FANK1: variants seen among roughly 807,000 people sequenced by gnomAD.
FANK1 encodes fibronectin type 3 and ankyrin repeat domains protein 1.
A neutral mutation model predicts 45.3 loss-of-function variants in FANK1; 44 were observed. The ratio of observed to expected loss-of-function variants is 0.97; its 90% CI spans 0.76 to 1.25. The LOEUF is 1.25. Ranked by LOEUF, FANK1 falls within the 50% of genes most tolerant of loss-of-function variation. The pLI is 0.00. For synonymous variants in FANK1, 149 were observed against 152.5 expected (o/e 0.98, Z 0.17); for missense variants, 391 against 424.4 (o/e 0.92, Z 0.69).
In FANK1 at chr10:125,969,530, GTGTT is replaced by G. The variant is rs1229045762; in HGVS notation, c.14-10627_14-10624del. Among the ~76,000 whole-genome samples the G allele has an allele frequency of 3.3e-5, 5 of 152,144 alleles. No individual in the cohort carries two copies. In the South Asian group the frequency reaches 6.2e-4, roughly 19 times the overall value. ...GCATCTATAAAAACAGTTCTCAAGA[GTGTT>G]TGTACTGATAACAGATAAATACAGA... is the stretch of plus-strand genomic sequence containing the variant. On this transcript the variant is annotated intron_variant, in intron 1 of 10. Coordinates refer to ENST00000368693, the MANE Select transcript of FANK1 (RefSeq NM_145235.5).
chr10:126,008,647 C>T, intron 8 of FANK1, 97 bp downstream of exon 8: 1 of 1,419,220 alleles, frequency 7.0e-7, no homozygotes, highest in East Asian at 2.3e-5. Flanking sequence ...AGCCCTGCAC[C>T]AGCCCTTGGG....
intron 1 of FANK1, among the ~76,000 whole-genome samples, chr10:125,913,527 T>C (rs955362313): frequency 7.9e-5 from 12 of 152,246 alleles, no homozygotes; most frequent in African/African-American, 2.7e-4. Flanking sequence ...TTGCCACAGC[T>C]GTTTCTCTTA....
At position 125,990,305 on chromosome 10, in the gene FANK1, G is replaced by A. The variant is rs561749792; in HGVS notation, c.316+1630G>A. On this transcript the variant is annotated intron_variant, in intron 3 of 10. Coordinates refer to ENST00000368693, the MANE Select transcript of FANK1 (RefSeq NM_145235.5). ...GTGTGTGCCTGTGGCCTGAGCAGGA[G>A]TATCGCTTCAGCCAGGAGTTCAAGG... Among the ~76,000 whole-genome samples the A allele has an allele frequency of 1.3e-5, 2 of 152,258 alleles. 1 individual carries two copies. The highest frequency in any genetic ancestry group is 3.9e-4 in the East Asian group (2 of 5,170).
chr10:125,936,773 A>G lies in FANK1; in HGVS notation c.13+40118A>G, dbSNP rs549382358. Among the ~76,000 whole-genome samples, 4 of 152,254 alleles carry G rather than the reference A, an allele frequency of 2.6e-5. No homozygotes were observed. In the East Asian group the frequency reaches 7.7e-4, roughly 29 times the overall value. ...TAGTTTCTTGTTTTTGGCTATTATGAATAGTACCTCTAGGCTGGGCGTGGT... is the reference window on the plus strand; with the variant it reads ...TAGTTTCTTGTTTTTGGCTATTATGGATAGTACCTCTAGGCTGGGCGTGGT... On this transcript the variant is annotated intron_variant, in intron 1 of 10. Coordinates refer to ENST00000368693, the MANE Select transcript of FANK1 (RefSeq NM_145235.5).
rs146106149 is a variant in FANK1 at position 125,980,294 on chromosome 10, T to TGAA, written c.156_158dup (p.Glu52dup). 6.2e-7 allele frequency: 1 copy of TGAA among 1,614,124 alleles called. No individual in the cohort carries two copies. The highest frequency in any genetic ancestry group is 8.5e-7 in the Non-Finnish European group (1 of 1,180,026). On this transcript the variant is annotated inframe_insertion, in exon 2 of 11. Transcript: ENST00000368693. ...AAGAGCAGTGGTTCAGGTTCTCGAT[T>TGAA]GAAGAAGAAGACCCCAAAATGCACA...
At chr10:125,994,570 G>T (rs1952178237) in intron 3 of FANK1, 1 of 985,274 alleles carries the variant, frequency 1.0e-6, no homozygotes, top group South Asian at 4.7e-5. Context: ...GGGTACTTAC[G>T]ATGTGTCAGG....
At chr10:125,932,608 CT>C (rs1947824900) in intron 1 of FANK1, among the ~76,000 whole-genome samples, 1 of 152,098 alleles carries the variant, frequency 6.6e-6, no homozygotes, top group Non-Finnish European at 1.5e-5. Flanking sequence ...GTTGTAGGAG[CT>C]TTCTGGAGGA....
chr10:125,971,280 GTC>G (rs1564926941), intron 1 of FANK1, among the ~76,000 whole-genome samples: 3 of 151,904 alleles, frequency 2.0e-5, no homozygotes, highest in African/African-American at 7.3e-5. Context: ...TTCCCATAGT[GTC>G]TGCAAGTAAA....
rs950598830 is a variant in FANK1, at chr10:125,994,641, A to G, written c.317-776A>G. ...TAAGCTTAATTGTGATACTTTTTAA[A>G]ATCAGAAGGTGTAGAATAAAGAACA... On this transcript the variant is annotated intron_variant, in intron 3 of 10. Coordinates refer to ENST00000368693, the MANE Select transcript of FANK1 (RefSeq NM_145235.5). The G allele has an allele frequency of 5.1e-6, 5 of 985,286 alleles. No individual in the cohort carries two copies. The African/African-American group carries it at 8.7e-5, about 17-fold the overall frequency. 61.0% of individuals were successfully genotyped at this position (985,286 alleles called of 1,614,324 possible). A position where few individuals can be genotyped will look rare whatever the true frequency, so the allele number is the denominator to read the frequency against.
At chr10:125,913,859 C>G (rs994409974) in intron 1 of FANK1, among the ~76,000 whole-genome samples, 1 of 152,120 alleles carries the variant, frequency 6.6e-6, no homozygotes, top group African/African-American at 2.4e-5. Context: ...CTGTCAAGAC[C>G]AGGCAGTTTA....
chr10:125,946,202 TCTC>T (rs776126994), intron 1 of FANK1, among the ~76,000 whole-genome samples: 3,426 of 151,922 alleles, frequency 0.023, 47 homozygotes, highest in Middle Eastern at 0.034. Context: ...GCAGAGCACC[TCTC>T]CTCCTCCAAA....
intron 1 of FANK1, among the ~76,000 whole-genome samples, chr10:125,945,451 G>C (rs1057284684): frequency 1.3e-5 from 2 of 152,242 alleles, no homozygotes; most frequent in African/African-American, 2.4e-5. Context: ...AGCGCAAGGG[G>C]TCAGGGAGTT....
At chr10:125,910,884 A>AT (rs1945943709) in intron 1 of FANK1, among the ~76,000 whole-genome samples, 1 of 152,206 alleles carries the variant, frequency 6.6e-6, no homozygotes, top group African/African-American at 2.4e-5. Flanking sequence ...AACACAAAAA[A>AT]TTAGCCGGGT....
rs374950828 is a variant in FANK1, at chr10:126,000,698, AG to A, written c.539+3214del. 5.9e-5 allele frequency among the ~76,000 whole-genome samples: 9 copies of A among 152,328 alleles called. No individual in the cohort carries two copies. The East Asian group carries it at 9.6e-4, about 16-fold the overall frequency. ...GCATTGAAAGGAATCATTAAGAAAA[AG>A]ATTGAGTGTATTATATATTTTTAAA... On this transcript the variant is annotated intron_variant, in intron 6 of 10. Coordinates refer to ENST00000368693, the MANE Select transcript of FANK1 (RefSeq NM_145235.5).
At chr10:125,921,902 C>T (rs1589864366) in intron 1 of FANK1, among the ~76,000 whole-genome samples, 1 of 152,306 alleles carries the variant, frequency 6.6e-6, no homozygotes, top group Admixed American at 6.5e-5. Context: ...TCCACCACCC[C>T]TGCAAAGAAC....
At chr10:125,955,405 C>T (rs776729962) in intron 1 of FANK1, among the ~76,000 whole-genome samples, 2 of 152,134 alleles carry the variant, frequency 1.3e-5, no homozygotes, top group Non-Finnish European at 2.9e-5. Context: ...CTTCCAGCTC[C>T]ATCTATGTCC....
intron 1 of FANK1, 144 bp from the exon 2 acceptor site, chr10:125,980,017 C>A (rs1292399537): frequency 6.2e-6 from 5 of 809,230 alleles, no homozygotes; most frequent in Non-Finnish European, 7.7e-6. Context: ...TTCAGGGGTT[C>A]TTTAAGCAAC....
intron 1 of FANK1, among the ~76,000 whole-genome samples, chr10:125,926,571 T>C (rs1196619338): frequency 6.6e-6 from 1 of 152,260 alleles, no homozygotes; most frequent in Non-Finnish European, 1.5e-5. Flanking sequence ...GAGATTGAGT[T>C]TTTTTATTCA....
chr10:125,901,328 A>G (rs1157136905), intron 1 of FANK1, among the ~76,000 whole-genome samples: 5 of 152,168 alleles, frequency 3.3e-5, no homozygotes, highest in Admixed American at 6.5e-5. Flanking sequence ...CACTTCCAAA[A>G]TATACCCCAA....
Sources: gnomAD v4.1 joint callset for allele counts (sites outside exome capture counted in the v4.1 genomes callset) on GRCh38, gnomAD v4.1.1 for gene constraint, MANE v1.5 for transcripts, NCBI Gene and HGNC (gene_info 2026-07-23, HGNC 2026-07-21) for gene names.